The following PIGU variants were observed in gnomAD, a reference collection of about 807,000 sequenced individuals.
The protein encoded by PIGU is GPI-anchor transamidase component PIGU.
In PIGU, 24 loss-of-function variants were observed where a neutral mutation model predicts 49.9. That is an observed-to-expected ratio of 0.48 (90% confidence interval 0.35 to 0.68). PIGU has a LOEUF of 0.68. PIGU is among the 30% of genes least tolerant of loss of function. The probability of loss-of-function intolerance (pLI) is 0.01; values close to 1 mark genes in which losing one functional copy is unlikely to be tolerated. For missense variants in PIGU, 490 were observed against 532.6 expected, an observed-to-expected ratio of 0.92 and a Z score of 0.79; for synonymous variants, 220 against 205.7, an observed-to-expected ratio of 1.07 and a Z score of -0.59.
chr20:34,670,622 C>T (rs1271512974), intron 1 of PIGU, among the ~76,000 whole-genome samples: 1 of 152,190 alleles, frequency 6.6e-6, no homozygotes, highest in Admixed American at 6.5e-5. Flanking sequence ...TCACTGCAGC[C>T]TCCACCTCCT....
chr20:34,604,967 G>C (rs1455362900), intron 7 of PIGU, among the ~76,000 whole-genome samples: 1 of 152,090 alleles, frequency 6.6e-6, no homozygotes, highest in Non-Finnish European at 1.5e-5. Flanking sequence ...GCAAAAGGAA[G>C]ATGGGAACTA....
intron 2 of PIGU, among the ~76,000 whole-genome samples, chr20:34,650,957 G>A (rs1265486726): frequency 7.9e-5 from 12 of 151,680 alleles, no homozygotes; most frequent in South Asian, 6.2e-4. Context: ...CAGGTGATCC[G>A]CCAGCCTCGG....
At chr20:34,570,573 T>C (rs1270730254) in intron 11 of PIGU, among the ~76,000 whole-genome samples, 1 of 152,012 alleles carries the variant, frequency 6.6e-6, no homozygotes, top group Non-Finnish European at 1.5e-5. Flanking sequence ...TGCCACCACA[T>C]CCAGATAATT....
At chr20:34,562,575 T>A (rs1413204086) in intron 11 of PIGU, 1 of 1,288,162 alleles carries the variant, frequency 7.8e-7, no homozygotes, top group Admixed American at 2.3e-5. Context: ...TCTGGAAGGT[T>A]GAACAATCCT....
At chr20:34,603,103 C>T (rs1449537441) in intron 7 of PIGU, among the ~76,000 whole-genome samples, 1 of 151,872 alleles carries the variant, frequency 6.6e-6, no homozygotes, top group Non-Finnish European at 1.5e-5. Context: ...TATAACATCC[C>T]ATAATCTGGA....
At chr20:34,578,596 C>A (rs1401686504) in intron 10 of PIGU, among the ~76,000 whole-genome samples, 2 of 152,206 alleles carry the variant, frequency 1.3e-5, no homozygotes, top group African/African-American at 4.8e-5. Context: ...GAGAGAAGCT[C>A]ACTGGCAGCC....
In PIGU at chr20:34,667,769, G is replaced by A. The variant is rs969561707; in HGVS notation, c.130+9187C>T. Among the ~76,000 whole-genome samples the A allele has an allele frequency of 5.4e-5, 8 of 147,380 alleles. No individual in the cohort carries two copies. In the East Asian group the frequency reaches 1.5e-3, roughly 28 times the overall value. On this transcript the variant is annotated intron_variant, in intron 1 of 11. Transcript: ENST00000217446. ...TTACAGGCAAGATTAACCTATGAAT[G>A]CAAAAATTAGTAGGCAAAAATTTAA...
chr20:34,615,954 T>C, intron 7 of PIGU, 88 bp downstream of exon 7: 1 of 1,479,702 alleles, frequency 6.8e-7, no homozygotes, highest in Non-Finnish European at 8.9e-7. Flanking sequence ...CTGCCTTTAC[T>C]AACCCGTGCC....
intron 1 of PIGU, among the ~76,000 whole-genome samples, chr20:34,667,332 C>T (rs903382736): frequency 6.6e-6 from 1 of 152,134 alleles, no homozygotes; most frequent in Non-Finnish European, 1.5e-5. Context: ...AATGAACACA[C>T]CTAGCATTCA....
chr20:34,639,784 T>G (rs935960357), intron 4 of PIGU, among the ~76,000 whole-genome samples: 5 of 152,368 alleles, frequency 3.3e-5, no homozygotes, highest in Non-Finnish European at 7.3e-5. Flanking sequence ...TTCTCACAGT[T>G]GGCAGAGTCC....
intron 11 of PIGU, among the ~76,000 whole-genome samples, chr20:34,564,013 T>G (rs976121248): frequency 2.0e-5 from 3 of 152,150 alleles, no homozygotes; most frequent in Non-Finnish European, 4.4e-5. Context: ...TGGGTGACAT[T>G]CTACAAGATA....
chr20:34,570,811 TAAAC>T (rs1192632564), intron 11 of PIGU, among the ~76,000 whole-genome samples: 1 of 152,240 alleles, frequency 6.6e-6, no homozygotes, highest in Admixed American at 6.5e-5. Flanking sequence ...AAGCTAAATT[TAAAC>T]AAGTTCCTTT....
At chr20:34,567,089 G>C (rs1437980820) in intron 11 of PIGU, among the ~76,000 whole-genome samples, 1 of 152,234 alleles carries the variant, frequency 6.6e-6, no homozygotes, top group Non-Finnish European at 1.5e-5. Context: ...TGGGGACACA[G>C]ACACTGACAT....
In PIGU at chr20:34,560,568, T is replaced by TAA. The variant is rs1247230970; in HGVS notation, c.*296_*297dup. 1 of 370,166 alleles carries TAA rather than the reference T, an allele frequency of 2.7e-6. No homozygotes were observed. The highest frequency in any genetic ancestry group is 2.1e-5 in the African/African-American group (1 of 47,628). The allele number at this position is 370,166 out of a possible 1,614,324, so 22.9% of individuals were successfully genotyped here. Reference sequence around the variant, plus strand: ...AGACTTCATAACAAAAAACATTTATTAAGTAGCCACAATCTAACAAGCCCT... The same window carrying TAA: ...AGACTTCATAACAAAAAACATTTATTAAAAGTAGCCACAATCTAACAAGCCCT... On this transcript the variant is annotated 3_prime_UTR_variant, in exon 12 of 12. Coordinates refer to ENST00000217446, the MANE Select transcript of PIGU (RefSeq NM_080476.5).
chr20:34,609,539 A>T (rs1199283055), intron 7 of PIGU, among the ~76,000 whole-genome samples: 1 of 151,764 alleles, frequency 6.6e-6, no homozygotes, highest in Non-Finnish European at 1.5e-5. Flanking sequence ...TAATTTTTGT[A>T]CTTTTAGTAG....
chr20:34,601,151 A>G (rs1984404672), intron 7 of PIGU, among the ~76,000 whole-genome samples: 1 of 151,934 alleles, frequency 6.6e-6, no homozygotes, highest in Admixed American at 6.6e-5. Context: ...GTTTGCTACC[A>G]TTTTTCTCAG....
chr20:34,581,576 G>T lies in PIGU; in HGVS notation c.1023C>A (p.Phe341Leu). The T allele has an allele frequency of 6.2e-7, 1 of 1,613,902 alleles. No individual in the cohort carries two copies. Among genetic ancestry groups the T allele is most frequent in the African/African-American group, 1.3e-5 (1 of 75,058 alleles). Residue 341 changes from phenylalanine to leucine, a missense_variant, in exon 10 of 12, where the codon TTC becomes TTA. Phe to Leu is a conservative substitution (Grantham distance 22, BLOSUM62 0). Transcript: ENST00000217446. ...TVGDVALYMA[F>L]FPVWNHLYRF... is the part of the protein sequence containing the mutation. ...TGTAGAGATGGTTCCACACGGGGAA[G>T]AAGGCCATGTAGAGCGCCACGTCCC...
chr20:34,635,694 GGA>G (rs1416664507), intron 5 of PIGU, among the ~76,000 whole-genome samples: 6 of 151,668 alleles, frequency 4.0e-5, no homozygotes, highest in African/African-American at 7.3e-5. Flanking sequence ...TGACCAACAT[GGA>G]GAAACCCTGC....
chr20:34,584,216 A>G (rs1983604105), intron 9 of PIGU, among the ~76,000 whole-genome samples: 1 of 152,148 alleles, frequency 6.6e-6, no homozygotes, highest in Non-Finnish European at 1.5e-5. Context: ...ATAAGAATCT[A>G]ACGCCTACCT....
Sources: gnomAD v4.1 joint callset for allele counts (sites outside exome capture counted in the v4.1 genomes callset) on GRCh38, gnomAD v4.1.1 for gene constraint, MANE v1.5 for transcripts, NCBI Gene and HGNC (gene_info 2026-07-23, HGNC 2026-07-21) for gene names.